ARFGEF2: variants seen among roughly 807,000 people sequenced by gnomAD.
The protein encoded by ARFGEF2 is ARF guanine nucleotide exchange factor 2, also known as brefeldin A-inhibited guanine nucleotide-exchange protein 2.
ARFGEF2 carries 74 observed loss-of-function variants against 219.9 expected under a neutral mutation model. The observed-to-expected ratio is 0.34, with a 90% CI of 0.28 to 0.41. ARFGEF2 has a LOEUF of 0.41. ARFGEF2 is among the 10% of genes least tolerant of loss of function. ARFGEF2 has a pLI of 1.00. For synonymous variants in ARFGEF2, 733 were observed against 799.2 expected (o/e 0.92, Z 1.40); for missense variants, 1,743 against 2,218.3 (o/e 0.79, Z 4.30).
chr20:48,972,597 G>A (rs1339764931), intron 11 of ARFGEF2, among the ~76,000 whole-genome samples, 172 bp downstream of exon 11: 1 of 152,114 alleles, frequency 6.6e-6, no homozygotes, highest in Non-Finnish European at 1.5e-5. Context: ...ACCAACTTAG[G>A]CTGGTTTGCC....
At chr20:48,954,123 G>A (rs1452400529) in intron 6 of ARFGEF2, among the ~76,000 whole-genome samples, 2 of 152,176 alleles carry the variant, frequency 1.3e-5, no homozygotes, top group Non-Finnish European at 2.9e-5. Context: ...GTGTCCACAG[G>A]AGGACAAGGG....
At chr20:48,979,641 C>T (rs2091283361) in intron 14 of ARFGEF2, among the ~76,000 whole-genome samples, 1 of 152,154 alleles carries the variant, frequency 6.6e-6, no homozygotes, top group African/African-American at 2.4e-5. Context: ...TAATTATTGC[C>T]TCAATTTCAG....
chr20:48,949,778 TG>T (rs1240539047), intron 3 of ARFGEF2, among the ~76,000 whole-genome samples: 1 of 151,926 alleles, frequency 6.6e-6, no homozygotes, highest in Non-Finnish European at 1.5e-5. Context: ...TGAGTCCCCC[TG>T]GTGGGGGCAG....
chr20:49,002,135 G>A (rs1179396954), intron 25 of ARFGEF2, among the ~76,000 whole-genome samples: 2 of 152,194 alleles, frequency 1.3e-5, no homozygotes, highest in African/African-American at 4.8e-5. Flanking sequence ...CTACACGGGA[G>A]GCTGAGGCAG....
chr20:48,949,261 G>C (rs2091050103), intron 3 of ARFGEF2, among the ~76,000 whole-genome samples: 1 of 152,204 alleles, frequency 6.6e-6, no homozygotes, highest in Admixed American at 6.5e-5. Flanking sequence ...TGTCCAGCCT[G>C]CTTTGTGGCA....
At chr20:48,948,110 T>C (rs1159921145) in intron 3 of ARFGEF2, among the ~76,000 whole-genome samples, 1 of 152,242 alleles carries the variant, frequency 6.6e-6, no homozygotes, top group East Asian at 1.9e-4. Context: ...AAGTTGTACA[T>C]GACTACAGTC....
chr20:48,928,449 C>T (rs1367399434), intron 1 of ARFGEF2, among the ~76,000 whole-genome samples: 95 of 145,710 alleles, frequency 6.5e-4, no homozygotes, highest in African/African-American at 2.4e-3. Context: ...CCGCCCGCCT[C>T]GGCCTCCCAA....
At chr20:48,997,579 G>A (rs1462628086) in intron 23 of ARFGEF2, among the ~76,000 whole-genome samples, 14 of 151,990 alleles carry the variant, frequency 9.2e-5, no homozygotes, top group East Asian at 7.7e-4. Context: ...GGGCTCCCCC[G>A]TCTTTTGATG....
chr20:48,989,304 G>A lies in ARFGEF2; in HGVS notation c.2553G>A (p.Gln851=), dbSNP rs201238132. 392 of 1,613,974 alleles carry A rather than the reference G, an allele frequency of 2.4e-4. No homozygotes were observed. Among genetic ancestry groups the A allele is most frequent in the Non-Finnish European group, 3.1e-4 (362 of 1,179,950 alleles). The stretch of plus-strand genomic sequence containing the variant: ...TTACAGATGTAGCTAGTGAAAAGCA[G>A]CGGCGGCTGCTGTACAACTTAGAGA... ...STKQNVASEK[Q]RRLLYNLEME... The change falls in exon 19 of 39, where the codon CAG becomes CAA. Residue 851 remains glutamine (Q), a synonymous_variant. Transcript: ENST00000371917.
At chr20:49,015,602 G>A (rs1568739142) in intron 30 of ARFGEF2, among the ~76,000 whole-genome samples, 1 of 152,302 alleles carries the variant, frequency 6.6e-6, no homozygotes, top group East Asian at 1.9e-4. Context: ...CAGGTTTGGG[G>A]CCTGCGTATT....
chr20:48,993,405 T>A (rs74542479), intron 21 of ARFGEF2, among the ~76,000 whole-genome samples: 94 of 152,300 alleles, frequency 6.2e-4, no homozygotes, highest in African/African-American at 2.1e-3. Context: ...TTTAATAGTG[T>A]GTGAAGAAAT....
At chr20:49,004,391 T>A (rs2091443858) in intron 25 of ARFGEF2, among the ~76,000 whole-genome samples, 1 of 152,022 alleles carries the variant, frequency 6.6e-6, no homozygotes, top group Non-Finnish European at 1.5e-5. Context: ...TATGAATGTA[T>A]ACTACTGAAC....
At chr20:48,973,896 T>A (rs2091244086) in intron 12 of ARFGEF2, among the ~76,000 whole-genome samples, 1 of 152,198 alleles carries the variant, frequency 6.6e-6, no homozygotes, top group Non-Finnish European at 1.5e-5. Context: ...GCAATTTTTT[T>A]AGATGATCTG....
chr20:49,016,376 T>C lies in ARFGEF2; in HGVS notation c.4276T>C (p.Ser1426Pro). The part of the protein sequence containing the change: ...FYEALNEVLL[S>P]DVFAQLQWCV... ...TGAAGCTTTGAATGAAGTTCTTCTT[T>C]CTGATGTATTTGCACAATTGCAGTG... is the stretch of plus-strand genomic sequence containing the variant. The change falls in exon 31 of 39, where the codon TCT becomes CCT. Residue 1426 changes from serine to proline, a missense_variant. This residue lies in a region of ARFGEF2 where 578 missense variants were observed against 664.0 expected (regional missense o/e 0.87). Transcript: ENST00000371917. The C allele has an allele frequency of 6.2e-7, 1 of 1,613,848 alleles. No individual in the cohort carries two copies. Among genetic ancestry groups the C allele is most frequent in the East Asian group, 2.2e-5 (1 of 44,842 alleles).
At chr20:48,959,607 CTCCT>C (rs1416275187) in intron 6 of ARFGEF2, among the ~76,000 whole-genome samples, 25 of 114,764 alleles carry the variant, frequency 2.2e-4, no homozygotes, top group Non-Finnish European at 3.6e-4. Flanking sequence ...CCCTCCTTCC[CTCCT>C]TCCTTCCTTC....
Position 49,013,920 on chromosome 20 carries a change from G to A in ARFGEF2, c.4139G>A (p.Arg1380Gln), listed in dbSNP as rs202242624. ...WWQDLFRIVF[R>Q]IFDNMKLPEQ... Reference sequence around the variant, plus strand: ...CAGGACCTGTTCAGAATCGTGTTTCGGATTTTTGACAATATGAAACTCCCT... The same window carrying A: ...CAGGACCTGTTCAGAATCGTGTTTCAGATTTTTGACAATATGAAACTCCCT... Residue 1380 changes from arginine (R) to glutamine (Q), a missense_variant, in exon 30 of 39, where the codon CGG (arginine) becomes CAG (glutamine). Coordinates refer to ENST00000371917, the MANE Select transcript of ARFGEF2 (RefSeq NM_006420.3). 6.8e-6 allele frequency: 11 copies of A among 1,613,980 alleles called. No individual in the cohort carries two copies. Among genetic ancestry groups the A allele is most frequent in the African/African-American group, 6.7e-5 (5 of 74,972 alleles).
intron 1 of ARFGEF2, among the ~76,000 whole-genome samples, chr20:48,935,896 C>T (rs1403026895): frequency 7.2e-5 from 8 of 111,578 alleles, no homozygotes; most frequent in South Asian, 6.0e-4. Context: ...TAGGGGCGGC[C>T]GGGCAGAGGC....
chr20:48,941,151 C>T (rs776195775), intron 1 of ARFGEF2, 48 bp from the exon 2 acceptor site: 119 of 1,568,130 alleles, frequency 7.6e-5, no homozygotes, highest in Non-Finnish European at 8.5e-5. Context: ...TTTTCCTTTA[C>T]ATAAATGTTG....
At chr20:48,988,280 G>C (rs1568723440) in intron 16 of ARFGEF2, 24 bp from the exon 17 acceptor site, 1 of 1,579,540 alleles carries the variant, frequency 6.3e-7, no homozygotes, top group Non-Finnish European at 8.7e-7. Flanking sequence ...CATGAATATT[G>C]ATGTCTCGAA....
Sources: gnomAD v4.1 joint callset for allele counts (sites outside exome capture counted in the v4.1 genomes callset) on GRCh38, gnomAD v4.1.1 for gene constraint, gnomAD v4.1.1 regional missense constraint, MANE v1.5 for transcripts, NCBI Gene and HGNC (gene_info 2026-07-23, HGNC 2026-07-21) for gene names.